PTPRM: variants seen among roughly 807,000 people sequenced by gnomAD.
PTPRM encodes protein tyrosine phosphatase receptor type M, also known as receptor-type tyrosine-protein phosphatase mu.
Under a neutral mutation model 186.7 loss-of-function variants are expected in PTPRM, and 47 were observed. The observed-to-expected ratio is 0.25, with a 90% CI of 0.20 to 0.32. The LOEUF is 0.32. Ranked by LOEUF, PTPRM falls within the 10% of genes least tolerant of loss-of-function variation. The pLI is 1.00. For missense variants in PTPRM, 1,494 were observed against 1,865.0 expected, an observed-to-expected ratio of 0.80 and a Z score of 3.66; for synonymous variants, 668 against 674.9, an observed-to-expected ratio of 0.99 and a Z score of 0.16.
intron 11 of PTPRM, among the ~76,000 whole-genome samples, chr18:8,108,898 G>A (rs1176156357): frequency 6.6e-6 from 1 of 152,170 alleles, no homozygotes; most frequent in Non-Finnish European, 1.5e-5. Flanking sequence ...GACAGGGCTA[G>A]GGTGGTGCAA....
chr18:8,197,970 G>A (rs1225449841), intron 14 of PTPRM, among the ~76,000 whole-genome samples: 1 of 152,128 alleles, frequency 6.6e-6, no homozygotes, highest in Non-Finnish European at 1.5e-5. Flanking sequence ...AAGGTGGGAT[G>A]GAGTGACCTG....
At chr18:7,624,829 T>C (rs905939958) in intron 1 of PTPRM, among the ~76,000 whole-genome samples, 1 of 152,138 alleles carries the variant, frequency 6.6e-6, no homozygotes, top group African/African-American at 2.4e-5. Flanking sequence ...CTGCATGAGA[T>C]TGTTGCGAAG....
At chr18:8,360,479 G>A (rs2095590691) in intron 23 of PTPRM, among the ~76,000 whole-genome samples, 1 of 152,204 alleles carries the variant, frequency 6.6e-6, no homozygotes, top group Non-Finnish European at 1.5e-5. Context: ...TAGAGCTCAG[G>A]ACAAGGAACG....
At chr18:8,322,749 C>T (rs577144747) in intron 22 of PTPRM, among the ~76,000 whole-genome samples, 3 of 152,252 alleles carry the variant, frequency 2.0e-5, no homozygotes, top group East Asian at 3.9e-4. Flanking sequence ...CACATAAGAA[C>T]CGACTGGATA....
In PTPRM at chr18:7,989,629, A is replaced by G. The variant is rs527559506; in HGVS notation, c.1132+34215A>G. On this transcript the variant is annotated intron_variant, in intron 7 of 32. Coordinates refer to ENST00000580170, the MANE Select transcript of PTPRM (RefSeq NM_001105244.2). ...TAGATAACCTCCTGTCCCCTTGTTG[A>G]CTTCAGTTTTTCTAGCATAGCCAAT... Among the ~76,000 whole-genome samples, 8 of 152,150 alleles carry G rather than the reference A, an allele frequency of 5.3e-5. 1 individual carries two copies. Among genetic ancestry groups the G allele is most frequent in the Admixed American group, 2.6e-4 (4 of 15,284 alleles).
chr18:7,839,782 T>C (rs1291337217), intron 2 of PTPRM, among the ~76,000 whole-genome samples: 1 of 152,144 alleles, frequency 6.6e-6, no homozygotes, highest in Admixed American at 6.5e-5. Flanking sequence ...TTCCAGTCCT[T>C]GTGGCCTAGA....
intron 13 of PTPRM, among the ~76,000 whole-genome samples, chr18:8,126,781 G>A (rs1008530714): frequency 3.3e-5 from 5 of 152,146 alleles, no homozygotes; most frequent in African/African-American, 1.2e-4. Context: ...TGGTGGGATT[G>A]TTTACTGAAC....
intron 14 of PTPRM, among the ~76,000 whole-genome samples, chr18:8,213,375 T>C (rs2094033763): frequency 6.6e-6 from 1 of 152,236 alleles, no homozygotes; most frequent in African/African-American, 2.4e-5. Context: ...ACAAAAGTCA[T>C]CAAGAGAAGA....
intron 14 of PTPRM, among the ~76,000 whole-genome samples, chr18:8,207,359 TA>T (rs1162234852): frequency 6.6e-6 from 1 of 152,214 alleles, no homozygotes; most frequent in African/African-American, 2.4e-5. Flanking sequence ...GAATTTCTTC[TA>T]AGGGAATTTT....
chr18:8,058,609 T>A (rs1163652919), intron 7 of PTPRM, among the ~76,000 whole-genome samples: 1 of 53,020 alleles, frequency 1.9e-5, no homozygotes, highest in Non-Finnish European at 3.6e-5. Flanking sequence ...AAATCTTTAA[T>A]CCATCTTGAA....
intron 14 of PTPRM, among the ~76,000 whole-genome samples, chr18:8,236,158 G>C (rs2094343807): frequency 6.6e-6 from 1 of 152,122 alleles, no homozygotes; most frequent in African/African-American, 2.4e-5. Flanking sequence ...GTCCATTACT[G>C]ACAGAGGGGT....
At chr18:7,890,080 A>G (rs539562433) in intron 3 of PTPRM, among the ~76,000 whole-genome samples, 1 of 152,326 alleles carries the variant, frequency 6.6e-6, no homozygotes, top group South Asian at 2.1e-4. Context: ...GGGCATTTGG[A>G]GAGCTTTTTC....
intron 7 of PTPRM, among the ~76,000 whole-genome samples, chr18:7,999,275 A>C (rs1365719143): frequency 6.6e-6 from 1 of 152,158 alleles, no homozygotes; most frequent in East Asian, 1.9e-4. Context: ...GAGAATGTAC[A>C]AACTCCACAC....
chr18:8,257,561 T>G (rs1443351568), intron 19 of PTPRM, among the ~76,000 whole-genome samples: 1 of 152,220 alleles, frequency 6.6e-6, no homozygotes, highest in Non-Finnish European at 1.5e-5. Flanking sequence ...GTATTTACTT[T>G]AAAAGTTCCT....
intron 11 of PTPRM, among the ~76,000 whole-genome samples, chr18:8,095,401 A>C (rs1200335519): frequency 6.6e-6 from 1 of 152,078 alleles, no homozygotes; most frequent in Middle Eastern, 3.2e-3. Context: ...GGCTCCATGA[A>C]GACAGGGAGG....
chr18:7,893,291 G>A (rs962005844), intron 3 of PTPRM, among the ~76,000 whole-genome samples: 3 of 152,100 alleles, frequency 2.0e-5, no homozygotes, highest in Non-Finnish European at 2.9e-5. Context: ...CCATGAAAAC[G>A]TTTAACGACT....
intron 19 of PTPRM, among the ~76,000 whole-genome samples, chr18:8,275,717 A>G (rs1396071997): frequency 6.6e-6 from 1 of 152,182 alleles, no homozygotes; most frequent in African/African-American, 2.4e-5. Flanking sequence ...GACTGTTGTG[A>G]GAATGACATT....
intron 1 of PTPRM, among the ~76,000 whole-genome samples, chr18:7,679,532 G>A (rs1419252720): frequency 1.3e-5 from 2 of 152,158 alleles, no homozygotes; most frequent in African/African-American, 2.4e-5. Context: ...GGCTATGGTG[G>A]CATGTGCCTG....
At chr18:8,400,796 C>T (rs1023877395) in intron 32 of PTPRM, among the ~76,000 whole-genome samples, 5 of 152,236 alleles carry the variant, frequency 3.3e-5, no homozygotes, top group African/African-American at 7.2e-5. Flanking sequence ...AGCTCTCCCC[C>T]TTGTGCCACC....
Sources: allele counts gnomAD v4.1 joint callset (sites outside exome capture counted in the v4.1 genomes callset), GRCh38; gene constraint gnomAD v4.1.1; transcripts MANE v1.5; gene names NCBI Gene and HGNC (gene_info 2026-07-23, HGNC 2026-07-21).